Variants in POC1A observed in about 807,000 individuals in gnomAD.
The protein encoded by POC1A is POC1 centriolar protein A.
Under a neutral mutation model 47.8 loss-of-function variants are expected in POC1A, and 34 were observed. The observed-to-expected ratio is 0.71, with a 90% confidence interval of 0.54 to 0.95. The LOEUF (loss-of-function observed/expected upper bound fraction) is 0.95. POC1A is among the 40% of genes least tolerant of loss of function. The pLI is 0.00. For synonymous variants in POC1A, 177 were observed against 207.6 expected, an observed-to-expected ratio of 0.85 and a Z score of 1.27; for missense variants, 466 against 528.3, an observed-to-expected ratio of 0.88 and a Z score of 1.16.
intron 9 of POC1A, among the ~76,000 whole-genome samples, chr3:52,098,528 T>C (rs557397221): frequency 1.2e-3 from 180 of 152,318 alleles, no homozygotes; most frequent in Non-Finnish European, 2.0e-3. Context: ...ACAGCGGCCA[T>C]GGCACTCCAA....
At chr3:52,152,641 T>C (rs1698595616) in intron 1 of POC1A, among the ~76,000 whole-genome samples, 1 of 152,010 alleles carries the variant, frequency 6.6e-6, no homozygotes, top group Non-Finnish European at 1.5e-5. Context: ...GGTTAGCAAA[T>C]GACCCAGCAA....
At chr3:52,076,476 G>A (rs1164519005) in intron 10 of POC1A, among the ~76,000 whole-genome samples, 3 of 152,158 alleles carry the variant, frequency 2.0e-5, no homozygotes, top group South Asian at 4.1e-4. Context: ...CTCACACCTG[G>A]AAGAGCCTCC....
intron 7 of POC1A, among the ~76,000 whole-genome samples, chr3:52,136,563 T>C (rs1704474099): frequency 6.6e-6 from 1 of 152,212 alleles, no homozygotes; most frequent in Non-Finnish European, 1.5e-5. Flanking sequence ...ACAGAGGTCG[T>C]TGGTTCGTTT....
At position 52,147,102 on chromosome 3, in the gene POC1A, C is replaced by T. The variant is rs768878370; in HGVS notation, c.456-7G>A. 7.5e-6 allele frequency: 12 copies of T among 1,607,868 alleles called. No individual in the cohort carries two copies. Among genetic ancestry groups the T allele is most frequent in the Admixed American group, 3.3e-5 (2 of 60,006 alleles). On this transcript the variant is annotated splice_region_variant and splice_polypyrimidine_tract_variant and intron_variant, in intron 4 of 10. Transcript: ENST00000296484. ...CCGCCCGTCGGGGGAGAACCTGAAC[C>T]GGGTGGGGCACAAGTCACATCACAG... is the stretch of plus-strand genomic sequence containing the variant.
intron 7 of POC1A, among the ~76,000 whole-genome samples, chr3:52,131,124 C>G (rs1316799943): frequency 6.6e-6 from 1 of 152,092 alleles, no homozygotes; most frequent in African/African-American, 2.4e-5. Context: ...TAACTCCCCA[C>G]CCACAACCCG....
chr3:52,104,786 G>C (rs1487502552), intron 9 of POC1A, among the ~76,000 whole-genome samples: 1 of 152,228 alleles, frequency 6.6e-6, no homozygotes, highest in East Asian at 1.9e-4. Context: ...GAGCCGCAGA[G>C]ATTCCCAGGC....
chr3:52,090,962 C>T lies in POC1A; in HGVS notation c.1125+5607G>A, dbSNP rs1040865006. 1.3e-5 allele frequency among the ~76,000 whole-genome samples: 2 copies of T among 152,190 alleles called. No individual in the cohort carries two copies. The highest frequency in any genetic ancestry group is 2.9e-5 in the Non-Finnish European group (2 of 68,040). Reference sequence around the variant, plus strand: ...ATGGGACAGACAGACAGAGGGGCAGCGCTTAAAATCTCCCCTTGGTGGAAA... The same window carrying T: ...ATGGGACAGACAGACAGAGGGGCAGTGCTTAAAATCTCCCCTTGGTGGAAA... On this transcript the variant is annotated intron_variant, in intron 10 of 10. Coordinates refer to ENST00000296484, the MANE Select transcript of POC1A (RefSeq NM_015426.5). The surrounding 1 kb of genome is among the most constrained non-coding windows in gnomAD (Gnocchi z 4.2).
intron 10 of POC1A, 30 bp downstream of exon 10, chr3:52,096,539 G>T (rs746847629): frequency 6.6e-7 from 1 of 1,511,818 alleles, no homozygotes; most frequent in East Asian, 2.4e-5. Flanking sequence ...CAGATGACGG[G>T]ATGACGGGTG....
rs982336217 is a variant in POC1A, at chr3:52,075,547, C to T, written c.*340G>A. On this transcript the variant is annotated 3_prime_UTR_variant, in exon 11 of 11. Transcript: ENST00000296484. ...AAATGATGAGTGAAAATCAAGGCAT[C>T]GTGGAGCCACCTCCTCCAGAGGGGG... The T allele has an allele frequency of 1.5e-5, 3 of 205,740 alleles. No homozygotes were observed. Among genetic ancestry groups the T allele is most frequent in the Admixed American group, 9.9e-5 (2 of 20,248 alleles). The allele number at this position is 205,740 out of a possible 1,614,324, so 12.7% of individuals were successfully genotyped here.
At chr3:52,125,606 C>T (rs1703967481) in intron 7 of POC1A, among the ~76,000 whole-genome samples, 1 of 152,114 alleles carries the variant, frequency 6.6e-6, no homozygotes. Context: ...CAACATCTCC[C>T]CAACACTGCA....
intron 9 of POC1A, among the ~76,000 whole-genome samples, chr3:52,108,487 C>T (rs1458971700): frequency 7.2e-5 from 11 of 152,186 alleles, no homozygotes; most frequent in Admixed American, 6.5e-4. Flanking sequence ...TTTAAAACCT[C>T]GGAACAAAGG....
At position 52,078,668 on chromosome 3, in the gene POC1A, G is replaced by A. The variant is rs60140709; in HGVS notation, c.1126-2683C>T. On this transcript the variant is annotated intron_variant, in intron 10 of 10. Coordinates refer to ENST00000296484, the MANE Select transcript of POC1A (RefSeq NM_015426.5). ...TGGGACTACAGGCACCCGCCACTGC[G>A]CCCAGCTAATATTTTTGTATTTTTA... 0.019 allele frequency among the ~76,000 whole-genome samples: 2,841 copies of A among 152,044 alleles called. 184 individuals carry two copies. The East Asian group carries it at 0.23, about 13-fold the overall frequency.
intron 8 of POC1A, 86 bp downstream of exon 8, chr3:52,125,027 C>T: frequency 9.5e-7 from 1 of 1,057,550 alleles, no homozygotes; most frequent in Non-Finnish European, 1.4e-6. Flanking sequence ...AAACCCAGCC[C>T]ATCCCCCAAA....
chr3:52,153,340 C>A (rs771016309), intron 1 of POC1A, among the ~76,000 whole-genome samples: 37 of 152,194 alleles, frequency 2.4e-4, no homozygotes, highest in Middle Eastern at 3.2e-3. Flanking sequence ...TCCAGGAAGC[C>A]CAAAGGCTCC....
At chr3:52,144,216 C>A (rs1698292897) in intron 6 of POC1A, among the ~76,000 whole-genome samples, 2 of 152,232 alleles carry the variant, frequency 1.3e-5, no homozygotes, top group African/African-American at 4.8e-5. Flanking sequence ...CTCCTCTGCA[C>A]CTGCCCACGT....
intron 2 of POC1A, 49 bp from the exon 3 acceptor site, chr3:52,150,036 G>A (rs372985053): frequency 1.1e-5 from 17 of 1,533,560 alleles, no homozygotes; most frequent in Non-Finnish European, 1.3e-5. Flanking sequence ...CAGGCTTCAA[G>A]CCTCCACCAA....
chr3:52,103,184 C>T (rs992925714), intron 9 of POC1A, among the ~76,000 whole-genome samples: 2 of 152,224 alleles, frequency 1.3e-5, no homozygotes, highest in Non-Finnish European at 1.5e-5. Context: ...ATACCTTGCA[C>T]CACATACAGA....
intron 10 of POC1A, among the ~76,000 whole-genome samples, chr3:52,088,582 C>T (rs1054798515): frequency 2.6e-5 from 4 of 152,126 alleles, no homozygotes; most frequent in Non-Finnish European, 4.4e-5. Flanking sequence ...CAAGAGGTCA[C>T]GGGGTCAGCT....
At chr3:52,128,923 T>A (rs959591513) in intron 7 of POC1A, among the ~76,000 whole-genome samples, 3 of 152,248 alleles carry the variant, frequency 2.0e-5, no homozygotes, top group African/African-American at 7.2e-5. Flanking sequence ...AGTCATTCAC[T>A]TCCAAATGTT....
Sources: allele counts gnomAD v4.1 joint callset (sites outside exome capture counted in the v4.1 genomes callset), GRCh38; gene constraint gnomAD v4.1.1; non-coding constraint Gnocchi (gnomAD v3.1); transcripts MANE v1.5; gene names NCBI Gene and HGNC (gene_info 2026-07-23, HGNC 2026-07-21).